KATNIP: variants seen among roughly 807,000 people sequenced by gnomAD.
The protein encoded by KATNIP is katanin interacting protein.
KATNIP carries 126 observed loss-of-function variants against 174.0 expected under a neutral mutation model. That is an observed-to-expected ratio of 0.72 (90% confidence interval 0.63 to 0.84). KATNIP has a LOEUF of 0.84. KATNIP is among the 40% of genes least tolerant of loss of function. The probability of loss-of-function intolerance (pLI) is 0.00; values close to 1 mark genes in which losing one functional copy is unlikely to be tolerated. For synonymous variants in KATNIP, 810 were observed against 835.7 expected, an observed-to-expected ratio of 0.97 and a Z score of 0.53; for missense variants, 1,958 against 2,109.7, an observed-to-expected ratio of 0.93 and a Z score of 1.41.
chr16:27,606,698 G>A (rs1474164329), intron 2 of KATNIP, among the ~76,000 whole-genome samples: 1 of 151,312 alleles, frequency 6.6e-6, no homozygotes, highest in Non-Finnish European at 1.5e-5. Context: ...CTGTCTCTAT[G>A]TTTGTGTCAT....
At chr16:27,631,941 T>C (rs185815622) in intron 5 of KATNIP, among the ~76,000 whole-genome samples, 1 of 152,298 alleles carries the variant, frequency 6.6e-6, no homozygotes, top group Admixed American at 6.5e-5. Context: ...CCCATGTAAC[T>C]CGTCTCCTTT....
intron 2 of KATNIP, among the ~76,000 whole-genome samples, chr16:27,601,078 A>G (rs879654149): frequency 5.3e-5 from 8 of 152,126 alleles, no homozygotes; most frequent in Non-Finnish European, 1.0e-4. Flanking sequence ...CACTGGAGCA[A>G]TTGTTCCATT....
chr16:27,571,470 C>T (rs1245071777), intron 1 of KATNIP, among the ~76,000 whole-genome samples: 1 of 152,070 alleles, frequency 6.6e-6, no homozygotes, highest in Non-Finnish European at 1.5e-5. Flanking sequence ...AAACTATGGC[C>T]CATAGAGACC....
chr16:27,679,434 G>A (rs2078244509), intron 7 of KATNIP, among the ~76,000 whole-genome samples: 1 of 152,060 alleles, frequency 6.6e-6, no homozygotes, highest in Non-Finnish European at 1.5e-5. Context: ...ACAGTCAGGG[G>A]TACTGGCGGC....
At chr16:27,575,368 C>T (rs1250944706) in intron 2 of KATNIP, among the ~76,000 whole-genome samples, 1 of 152,162 alleles carries the variant, frequency 6.6e-6, no homozygotes, top group African/African-American at 2.4e-5. Context: ...CCATAGGTTA[C>T]TCCAGGGCCC....
intron 1 of KATNIP, among the ~76,000 whole-genome samples, chr16:27,562,973 C>G (rs958510276): frequency 1.3e-5 from 2 of 152,166 alleles, no homozygotes; most frequent in African/African-American, 2.4e-5. Flanking sequence ...GCCTTCTGTC[C>G]CTTTCAGCAT....
rs2081443888 is a variant in KATNIP at position 27,750,092 on chromosome 16, C to T, written c.3132C>T (p.Asp1044=). ...ACGGGGTGAACAGGACCCAGGATGA[C>T]ATGCATGTCTGGCTGGCCCCCTTCA... The part of the protein sequence containing the change: ...LIDGVNRTQD[D]MHVWLAPFTR... The change falls in exon 16 of 28, where the codon GAC becomes GAT. Residue 1044 remains aspartate, a synonymous_variant. Coordinates refer to ENST00000261588, the MANE Select transcript of KATNIP (RefSeq NM_015202.5). 6.2e-7 allele frequency: 1 copy of T among 1,614,076 alleles called. No homozygotes were observed. Among genetic ancestry groups the T allele is most frequent in the African/African-American group, 1.3e-5 (1 of 74,922 alleles).
rs1410607500 is a variant in KATNIP at position 27,576,110 on chromosome 16, A to G, written c.63+2154A>G. Among the ~76,000 whole-genome samples the G allele has an allele frequency of 3.3e-5, 5 of 152,104 alleles. No homozygotes were observed. In the East Asian group the frequency reaches 7.7e-4, roughly 23 times the overall value. ...TTTGGTCACAGAATAGCAGCATCCT[A>G]TTTCTCCACATTAAGAAATTAACTG... On this transcript the variant is annotated intron_variant, in intron 2 of 27. Transcript: ENST00000261588.
intron 1 of KATNIP, among the ~76,000 whole-genome samples, chr16:27,565,149 C>A (rs180936141): frequency 6.0e-5 from 9 of 151,244 alleles, no homozygotes; most frequent in Non-Finnish European, 8.8e-5. Context: ...CCCCTCAAAA[C>A]GGGTCCATGG....
intron 14 of KATNIP, among the ~76,000 whole-genome samples, chr16:27,728,194 A>G (rs532707353): frequency 6.6e-6 from 1 of 152,346 alleles, no homozygotes; most frequent in Admixed American, 6.5e-5. Flanking sequence ...TGGAAAGGGG[A>G]CTGACCCCAT....
At chr16:27,748,793 T>A (rs1393993541) in intron 15 of KATNIP, among the ~76,000 whole-genome samples, 1 of 151,488 alleles carries the variant, frequency 6.6e-6, no homozygotes, top group Non-Finnish European at 1.5e-5. Flanking sequence ...CTAAAAAAAA[T>A]TAAAAAGAAA....
At chr16:27,680,264 A>G (rs1567293138) in intron 7 of KATNIP, among the ~76,000 whole-genome samples, 1 of 152,070 alleles carries the variant, frequency 6.6e-6, no homozygotes, top group Non-Finnish European at 1.5e-5. Context: ...GGGAGCAGCA[A>G]GTGGTCAGGG....
intron 5 of KATNIP, among the ~76,000 whole-genome samples, chr16:27,643,590 CAAAAAAAAAAAAAAAA>C (rs562253355): frequency 2.5e-5 from 1 of 40,486 alleles, no homozygotes; most frequent in African/African-American, 1.0e-4. Context: ...GACTCTGTCT[CAAAAAAAAAAAAAAAA>C]AAAAAAAAAA....
chr16:27,701,587 A>G lies in KATNIP; in HGVS notation c.1180-2A>G. The G allele has an allele frequency of 6.3e-7, 1 of 1,581,456 alleles. No homozygotes were observed. Among genetic ancestry groups the G allele is most frequent in the Non-Finnish European group, 8.6e-7 (1 of 1,163,104 alleles). ...CTGTTTAATAAGCCTTTCCATCCTC[A>G]GCTGCTTCCCATCACCACGGCGACT... is the stretch of plus-strand genomic sequence containing the variant. On this transcript the variant is annotated splice_acceptor_variant, in intron 10 of 27. Transcript: ENST00000261588. LOFTEE classifies it high-confidence loss of function.
chr16:27,770,523 G>A (rs1239571236), intron 21 of KATNIP, among the ~76,000 whole-genome samples: 2 of 152,256 alleles, frequency 1.3e-5, no homozygotes, highest in Non-Finnish European at 2.9e-5. Context: ...CAGAGGCCAA[G>A]CTCTTGAAAC....
At chr16:27,588,518 C>G (rs1330132698) in intron 2 of KATNIP, among the ~76,000 whole-genome samples, 1 of 152,024 alleles carries the variant, frequency 6.6e-6, no homozygotes. Flanking sequence ...CTCTGCCACT[C>G]AGGCTGGAGT....
intron 1 of KATNIP, among the ~76,000 whole-genome samples, chr16:27,569,769 G>A (rs528988101): frequency 4.5e-4 from 68 of 152,294 alleles, no homozygotes; most frequent in African/African-American, 1.6e-3. Context: ...CTTCTAGGGA[G>A]TTTAGATAAT....
rs2082444690 is a variant in KATNIP, at chr16:27,775,021, C to T, written c.4386C>T (p.Ile1462=). 5.6e-6 allele frequency: 9 copies of T among 1,613,598 alleles called. 1 individual carries two copies. The highest frequency in any genetic ancestry group is 2.7e-5 in the African/African-American group (2 of 74,934). Residue 1462 remains isoleucine (I), a synonymous_variant, in exon 24 of 28, where the codon ATC becomes ATT. Transcript: ENST00000261588. Reference sequence around the variant, plus strand: ...ACGTCCGCACCCCAGACAAGCTCATCGACCAAGTGAACGACACCAGTGATG... The same window carrying T: ...ACGTCCGCACCCCAGACAAGCTCATTGACCAAGTGAACGACACCAGTGATG... The part of the protein sequence containing the change: ...GGDVRTPDKL[I]DQVNDTSDGR...
At chr16:27,565,064 C>G (rs2090033118) in intron 1 of KATNIP, among the ~76,000 whole-genome samples, 1 of 151,674 alleles carries the variant, frequency 6.6e-6, no homozygotes, top group Admixed American at 6.6e-5. Flanking sequence ...ACGCCCGGCC[C>G]TACCTGGCTT....
Sources: gnomAD v4.1 joint callset for allele counts (sites outside exome capture counted in the v4.1 genomes callset) on GRCh38, gnomAD v4.1.1 for gene constraint, MANE v1.5 for transcripts, NCBI Gene and HGNC (gene_info 2026-07-23, HGNC 2026-07-21) for gene names.